Variants in ANGEL2 observed in about 807,000 individuals in gnomAD.
The protein encoded by ANGEL2 is RNA 2',3'-cyclic phosphatase ANGEL2.
In ANGEL2, 41 loss-of-function variants were observed where a neutral mutation model predicts 66.0. That is an observed-to-expected ratio of 0.62 (90% CI 0.48 to 0.81). ANGEL2 has a LOEUF of 0.81. Ranked by LOEUF, ANGEL2 falls within the 30% of genes least tolerant of loss-of-function variation. ANGEL2 has a pLI of 0.00. For synonymous variants in ANGEL2, 208 were observed against 226.5 expected (o/e 0.92, Z 0.73); for missense variants, 561 against 641.6 (o/e 0.87, Z 1.36).
chr1:213,007,290 C>A, intron 3 of ANGEL2, 92 bp from the exon 4 acceptor site: 1 of 1,001,690 alleles, frequency 1.0e-6, no homozygotes, highest in Non-Finnish European at 1.4e-6. Context: ...AAGCAGGCTT[C>A]TAAAATTCCA....
chr1:212,997,059 C>G, intron 8 of ANGEL2, 96 bp downstream of exon 8: 15 of 1,144,840 alleles, frequency 1.3e-5, no homozygotes, highest in Non-Finnish European at 1.8e-5. Context: ...AGATCTAGAA[C>G]TTCAACTGGA....
rs1353212038 is a variant in ANGEL2 at position 212,996,622 on chromosome 1, CCAA to C, written c.1483+530_1483+532del. On this transcript the variant is annotated intron_variant, in intron 8 of 8. Transcript: ENST00000366962. The stretch of plus-strand genomic sequence containing the variant: ...TGGGTAACAGAGCGAGACTCTGTAT[CCAA>C]AAAAAAAAAAAAAAAATATATATAT... Among the ~76,000 whole-genome samples, 59 of 22,682 alleles carry C rather than the reference CCAA, an allele frequency of 2.6e-3. 7 individuals carry two copies. The highest frequency in any genetic ancestry group is 7.4e-3 in the South Asian group (2 of 270). The allele number at this position is 22,682 out of a possible 152,430, so 14.9% of individuals were successfully genotyped here. A position where few individuals can be genotyped will look rare whatever the true frequency, so the allele number is the denominator to read the frequency against.
chr1:213,009,972 A>G (rs1023686433), intron 2 of ANGEL2, among the ~76,000 whole-genome samples: 2 of 150,780 alleles, frequency 1.3e-5, no homozygotes, highest in African/African-American at 4.9e-5. Context: ...AATCGCTGTA[A>G]CCCGGGAAGC....
At chr1:213,005,846 C>T (rs1208388633) in intron 4 of ANGEL2, among the ~76,000 whole-genome samples, 1 of 152,180 alleles carries the variant, frequency 6.6e-6, no homozygotes, top group Admixed American at 6.5e-5. Context: ...CACACTCCAA[C>T]CTCAGGGCCT....
intron 1 of ANGEL2, 173 bp downstream of exon 1, chr1:213,015,440 T>A: frequency 7.0e-7 from 1 of 1,427,444 alleles, no homozygotes; most frequent in East Asian, 2.6e-5. Flanking sequence ...CGGGTTTACC[T>A]ATCCCGCTTG....
In ANGEL2 at chr1:212,997,316, A is replaced by C. The variant is rs1411105010; in HGVS notation, c.1322T>G (p.Leu441Trp). Residue 441 changes from leucine to tryptophan, a missense_variant and splice_region_variant, in exon 8 of 9, where the codon TTG becomes TGG. Physicochemically the swap from Leu to Trp is moderately conservative, Grantham distance 61. Coordinates refer to ENST00000366962, the MANE Select transcript of ANGEL2 (RefSeq NM_144567.5). ...QTEVLVTAEK[L>W]SSNLQHHFSL... ...GAAATGGTGCTGTAAATTTGAAGAC[A>C]ATCTAAATAGAAAAGAAGAAGTGTT... The C allele has an allele frequency of 5.0e-6, 8 of 1,603,084 alleles. No individual in the cohort carries two copies. The highest frequency in any genetic ancestry group is 6.8e-6 in the Non-Finnish European group (8 of 1,171,592).
At chr1:212,995,292 C>T in intron 8 of ANGEL2, 100 bp from the exon 9 acceptor site, 1 of 1,072,928 alleles carries the variant, frequency 9.3e-7, no homozygotes, top group East Asian at 2.7e-5. Flanking sequence ...GAACTTGAGG[C>T]CCCTCCAGAA....
At chr1:212,997,706 C>T (rs1224620420) in intron 7 of ANGEL2, among the ~76,000 whole-genome samples, 1 of 152,132 alleles carries the variant, frequency 6.6e-6, no homozygotes, top group East Asian at 1.9e-4. Flanking sequence ...GACAGAGAGG[C>T]CATATTCTTC....
rs1457672555 is a variant in ANGEL2 at position 212,994,110 on chromosome 1, T to C, written c.*931A>G. Reference sequence around the variant, plus strand: ...CAGCCTAACCAACATGGGGAAACCCTGTCTCTACTGAAAATACAAAATTAG... The same window carrying C: ...CAGCCTAACCAACATGGGGAAACCCCGTCTCTACTGAAAATACAAAATTAG... On this transcript the variant is annotated 3_prime_UTR_variant, in exon 9 of 9. Transcript: ENST00000366962. 2 of 152,102 alleles carry C rather than the reference T, an allele frequency of 1.3e-5. No individual in the cohort carries two copies. Among genetic ancestry groups the C allele is most frequent in the African/African-American group, 4.8e-5 (2 of 41,418 alleles). The allele number at this position is 152,102 out of a possible 1,614,324, so 9.4% of individuals were successfully genotyped here.
In ANGEL2 at chr1:212,995,279, A is replaced by G. The variant is rs558183599; in HGVS notation, c.1484-87T>C. The G allele has an allele frequency of 3.9e-5, 50 of 1,286,540 alleles. No individual in the cohort carries two copies. In the African/African-American group the frequency reaches 5.6e-4, roughly 14 times the overall value. 79.7% of individuals were successfully genotyped at this position (1,286,540 alleles called of 1,614,324 possible). A position where few individuals can be genotyped will look rare whatever the true frequency, so the allele number is the denominator to read the frequency against. ...ATACAAGTCTTTTCTCCAAACAAAT[A>G]TAGAACTTGAGGCCCCTCCAGAAGA... On this transcript the variant is annotated intron_variant, in intron 8 of 8. Transcript: ENST00000366962.
In ANGEL2 at chr1:212,995,121, A is replaced by C; in HGVS notation, c.1555T>G (p.Trp519Gly). 1 of 1,612,464 alleles carries C rather than the reference A, an allele frequency of 6.2e-7. No individual in the cohort carries two copies. The highest frequency in any genetic ancestry group is 2.2e-5 in the East Asian group (1 of 44,800). ...TCGTTTGGAAGTCCATTAACAGTCC[A>C]TAAGTCTTGTTCTGTAAGAAGTGAC... is the stretch of plus-strand genomic sequence containing the variant. ...RLSLLTEQDL[W>G]TVNGLPNENN... is the part of the protein sequence containing the mutation. Residue 519 changes from tryptophan to glycine, a missense_variant, in exon 9 of 9, where the codon TGG (tryptophan) becomes GGG (glycine). Transcript: ENST00000366962.
chr1:213,002,652 T>C (rs2076207471), intron 5 of ANGEL2, among the ~76,000 whole-genome samples: 1 of 152,182 alleles, frequency 6.6e-6, no homozygotes, highest in South Asian at 2.1e-4. Context: ...GTGCGGTGGC[T>C]CATGCCTGTA....
At position 213,008,379 on chromosome 1, in the gene ANGEL2, C is replaced by T. The variant is rs1394391999; in HGVS notation, c.473G>A (p.Cys158Tyr). ...GTCAAACTTGTTCTCACTGTCTTCA[C>T]ATTTGGGATCAACATTTTTGTCTCC... is the stretch of plus-strand genomic sequence containing the variant. Reference protein sequence around the residue: ...ILGDKNVDPKCEDSENKFDFS... With the variant: ...ILGDKNVDPKYEDSENKFDFS... Residue 158 changes from cysteine to tyrosine, a missense_variant, in exon 3 of 9, where the codon TGT becomes TAT. Physicochemically the swap from Cys to Tyr is radical, Grantham distance 194. Coordinates refer to ENST00000366962, the MANE Select transcript of ANGEL2 (RefSeq NM_144567.5). 3.1e-6 allele frequency: 5 copies of T among 1,614,204 alleles called. No individual in the cohort carries two copies. The highest frequency in any genetic ancestry group is 1.1e-5 in the South Asian group (1 of 91,084).
chr1:213,015,658 C>G lies in ANGEL2; in HGVS notation c.14G>C (p.Arg5Pro), dbSNP rs2076626120. MEAW[R>P]CVRKGYGHCV... ...GTGGCCGTAGCCCTTCCTCACACAGCGCCAGGCTTCCATCTTCGCCCTCCG... is the reference window on the plus strand; with the variant it reads ...GTGGCCGTAGCCCTTCCTCACACAGGGCCAGGCTTCCATCTTCGCCCTCCG... The change falls in exon 1 of 9, where the codon CGC (arginine) becomes CCC (proline). Residue 5 changes from arginine to proline, a missense_variant. Coordinates refer to ENST00000366962, the MANE Select transcript of ANGEL2 (RefSeq NM_144567.5). 1 of 1,614,168 alleles carries G rather than the reference C, an allele frequency of 6.2e-7. No homozygotes were observed. Among genetic ancestry groups the G allele is most frequent in the Non-Finnish European group, 8.5e-7 (1 of 1,180,022 alleles).
chr1:213,015,415 C>T, intron 1 of ANGEL2, 198 bp downstream of exon 1: 1 of 1,424,924 alleles, frequency 7.0e-7, no homozygotes, highest in Non-Finnish European at 9.1e-7. Flanking sequence ...GCCCAGCGTC[C>T]CGCCAGCTGC....
At chr1:213,001,668 G>A (rs899232240) in intron 5 of ANGEL2, 3 of 152,014 alleles carry the variant, frequency 2.0e-5, no homozygotes, top group African/African-American at 2.4e-5. Flanking sequence ...CTTTATCCAC[G>A]GAACTTTTTT....
chr1:212,998,213 A>C (rs1053317436), intron 7 of ANGEL2, among the ~76,000 whole-genome samples: 1 of 151,070 alleles, frequency 6.6e-6, no homozygotes, highest in Admixed American at 6.6e-5. Flanking sequence ...CAACACAGTG[A>C]GACCTCATCT....
At chr1:212,998,934 C>T (rs1321452445) in intron 7 of ANGEL2, among the ~76,000 whole-genome samples, 1 of 152,006 alleles carries the variant, frequency 6.6e-6, no homozygotes, top group East Asian at 1.9e-4. Context: ...GGCTGGAATG[C>T]GGTGGTGCGA....
At chr1:212,997,076 G>T in intron 8 of ANGEL2, 79 bp downstream of exon 8, 1 of 1,304,588 alleles carries the variant, frequency 7.7e-7, no homozygotes, top group South Asian at 1.7e-5. Flanking sequence ...TGGATGTTTA[G>T]AGAGCTTTCT....
Sources: allele counts gnomAD v4.1 joint callset (sites outside exome capture counted in the v4.1 genomes callset), GRCh38; gene constraint gnomAD v4.1.1; transcripts MANE v1.5; gene names NCBI Gene and HGNC (gene_info 2026-07-23, HGNC 2026-07-21).